The following TANC1 variants were observed in gnomAD, a reference collection of about 807,000 sequenced individuals.
TANC1 encodes the protein tetratricopeptide repeat, ankyrin repeat and coiled-coil containing 1.
TANC1 carries 77 observed loss-of-function variants against 149.7 expected under a neutral mutation model. The ratio of observed to expected loss-of-function variants is 0.51; its 90% CI spans 0.43 to 0.62. The LOEUF is 0.62. TANC1 is among the 20% of genes least tolerant of loss of function. The pLI is 0.00. For synonymous variants in TANC1, 854 were observed against 925.0 expected (o/e 0.92, Z 1.39); for missense variants, 1,985 against 2,321.8 (o/e 0.85, Z 2.98).
intron 15 of TANC1, 107 bp from the exon 16 acceptor site, chr2:159,186,795 C>T (rs756616600): frequency 1.4e-6 from 2 of 1,445,612 alleles, no homozygotes; most frequent in South Asian, 1.3e-5. Flanking sequence ...CAGGTATCTG[C>T]ACCCTCTGCG....
At chr2:159,124,740 G>C (rs2049215306) in intron 4 of TANC1, among the ~76,000 whole-genome samples, 1 of 151,290 alleles carries the variant, frequency 6.6e-6, no homozygotes, top group Non-Finnish European at 1.5e-5. Context: ...GAAATCAGCT[G>C]CATTTTTTTT....
At chr2:159,034,845 C>G (rs535749232) in intron 2 of TANC1, among the ~76,000 whole-genome samples, 24 of 152,326 alleles carry the variant, frequency 1.6e-4, no homozygotes, top group African/African-American at 5.8e-4. Context: ...TTGAGTGTGA[C>G]TTGAACGTCC....
chr2:159,227,513 C>A, intron 24 of TANC1: 1 of 319,428 alleles, frequency 3.1e-6, no homozygotes, highest in South Asian at 5.7e-5. Flanking sequence ...AAATACATAC[C>A]AGAAGGTAAT....
chr2:158,990,373 GT>G (rs2035495352), intron 1 of TANC1, among the ~76,000 whole-genome samples: 1 of 152,196 alleles, frequency 6.6e-6, no homozygotes, highest in African/African-American at 2.4e-5. Flanking sequence ...ACTGTAGGCA[GT>G]TTGATGAATA....
intron 19 of TANC1, among the ~76,000 whole-genome samples, chr2:159,202,796 G>T (rs1346930227): frequency 6.6e-6 from 1 of 152,152 alleles, no homozygotes; most frequent in Non-Finnish European, 1.5e-5. Flanking sequence ...CCCACCAGAT[G>T]CTTATGGCAT....
chr2:159,115,034 G>GT (rs1203629839), intron 4 of TANC1, among the ~76,000 whole-genome samples: 1 of 152,204 alleles, frequency 6.6e-6, no homozygotes. Flanking sequence ...GGATATAAAG[G>GT]TAAATAAATA....
intron 1 of TANC1, among the ~76,000 whole-genome samples, chr2:158,989,946 C>T (rs1238331677): frequency 6.7e-5 from 10 of 149,304 alleles, no homozygotes; most frequent in Admixed American, 1.3e-4. Flanking sequence ...GACGGATTCT[C>T]GCACTGTCAC....
At chr2:159,000,508 A>C (rs2036530111) in intron 1 of TANC1, among the ~76,000 whole-genome samples, 1 of 152,094 alleles carries the variant, frequency 6.6e-6, no homozygotes, top group Non-Finnish European at 1.5e-5. Flanking sequence ...GTCTTTCTGC[A>C]CAGTGATGTG....
At chr2:159,140,945 C>G (rs2051304251) in intron 5 of TANC1, among the ~76,000 whole-genome samples, 1 of 152,054 alleles carries the variant, frequency 6.6e-6, no homozygotes, top group African/African-American at 2.4e-5. Flanking sequence ...CCCGCCTTGG[C>G]CTCCCAAAGT....
At position 159,225,672 on chromosome 2, in the gene TANC1, C is replaced by A; in HGVS notation, c.3812-16C>A. 6.2e-7 allele frequency: 1 copy of A among 1,608,412 alleles called. No homozygotes were observed. The highest frequency in any genetic ancestry group is 8.5e-7 in the Non-Finnish European group (1 of 1,174,784). ...AGGGCCTCTGAAGTGCCTCTGAATG[C>A]GTGTTTGTTTTGCAGGAAATGCTGC... On this transcript the variant is annotated splice_polypyrimidine_tract_variant and intron_variant, in intron 23 of 26. Coordinates refer to ENST00000263635, the MANE Select transcript of TANC1 (RefSeq NM_033394.3).
chr2:159,074,284 G>A (rs376090229), intron 3 of TANC1, among the ~76,000 whole-genome samples: 14 of 152,292 alleles, frequency 9.2e-5, no homozygotes, highest in East Asian at 7.7e-4. Flanking sequence ...TCAGGGAGTT[G>A]CCCATTTTTA....
chr2:159,117,813 T>C (rs2048440026), intron 4 of TANC1, among the ~76,000 whole-genome samples: 1 of 151,438 alleles, frequency 6.6e-6, no homozygotes, highest in South Asian at 2.1e-4. Context: ...TCTTAGACTC[T>C]TCTTGGCTGT....
intron 25 of TANC1, chr2:159,228,515 C>T (rs542413875): frequency 7.1e-6 from 3 of 419,786 alleles, no homozygotes; most frequent in African/African-American, 6.0e-5. Flanking sequence ...TGTCTGCGCT[C>T]CTCTCTGAGG....
rs1559096083 is a variant in TANC1, at chr2:158,981,496, TA to T, written c.-126+12715del. ...TAGCAATTAATATATAGCTTTTATA[TA>T]TATATATATATATATATATATATAT... On this transcript the variant is annotated intron_variant, in intron 1 of 26. Coordinates refer to ENST00000263635, the MANE Select transcript of TANC1 (RefSeq NM_033394.3). Among the ~76,000 whole-genome samples the T allele has an allele frequency of 4.7e-3, 52 of 11,028 alleles. 2 individuals carry two copies. In the East Asian group the frequency reaches 0.068, roughly 14 times the overall value. 7.2% of individuals were successfully genotyped at this position (11,028 alleles called of 152,430 possible).
intron 4 of TANC1, among the ~76,000 whole-genome samples, chr2:159,112,924 T>G (rs2047896090): frequency 6.6e-6 from 1 of 151,926 alleles, no homozygotes; most frequent in Non-Finnish European, 1.5e-5. Context: ...GCAGATTTTT[T>G]TCTTTTTAAA....
At chr2:159,170,998 C>T (rs1257432595) in intron 10 of TANC1, among the ~76,000 whole-genome samples, 193 bp downstream of exon 10, 1 of 152,136 alleles carries the variant, frequency 6.6e-6, no homozygotes, top group South Asian at 2.1e-4. Context: ...TAAGCTGGGG[C>T]GAGGCCAGTG....
chr2:159,035,535 T>A (rs146431541), intron 2 of TANC1, among the ~76,000 whole-genome samples: 206 of 152,342 alleles, frequency 1.4e-3, no homozygotes, highest in African/African-American at 4.5e-3. Flanking sequence ...AGGCATAGTT[T>A]CTTTTCTGCG....
chr2:159,066,377 G>C (rs776534179), intron 3 of TANC1, among the ~76,000 whole-genome samples: 1 of 152,092 alleles, frequency 6.6e-6, no homozygotes, highest in Non-Finnish European at 1.5e-5. Context: ...TAAAGCCACT[G>C]TACTCCAGCC....
chr2:158,985,719 C>T (rs969088843), intron 1 of TANC1, among the ~76,000 whole-genome samples: 3 of 152,096 alleles, frequency 2.0e-5, no homozygotes, highest in Admixed American at 6.6e-5. Flanking sequence ...TCTCGGTTCA[C>T]TACAGCCTCC....
Sources: gnomAD v4.1 joint callset for allele counts (sites outside exome capture counted in the v4.1 genomes callset) on GRCh38, gnomAD v4.1.1 for gene constraint, MANE v1.5 for transcripts, NCBI Gene and HGNC (gene_info 2026-07-23, HGNC 2026-07-21) for gene names.